The following TAF1 variants were observed in gnomAD, a reference collection of about 807,000 sequenced individuals.
The protein encoded by TAF1 is transcription initiation factor TFIID subunit 1.
TAF1 carries 2 observed loss-of-function variants against 138.5 expected under a neutral mutation model. The observed-to-expected ratio is 0.01, with a 90% confidence interval of 0.01 to 0.05. The LOEUF (loss-of-function observed/expected upper bound fraction) is 0.05, where lower values mean the gene tolerates loss of function less well. Ranked by LOEUF, TAF1 falls within the 10% of genes least tolerant of loss-of-function variation. The probability of loss-of-function intolerance (pLI) is 1.00; values close to 1 mark genes in which losing one functional copy is unlikely to be tolerated. For synonymous variants in TAF1, 437 were observed against 503.2 expected, an observed-to-expected ratio of 0.87 and a Z score of 1.76; for missense variants, 709 against 1,478.0, an observed-to-expected ratio of 0.48 and a Z score of 8.53.
chrX:71,509,996 AATG>A (rs1298087157), intron 13 of TAF1, among the ~76,000 whole-genome samples: 2 of 109,324 alleles, frequency 1.8e-5, no homozygotes, highest in Non-Finnish European at 3.8e-5. Context: ...TAATAATAAT[AATG>A]ATAATTTTAA....
chrX:71,376,683 C>T (rs1344047344), intron 4 of TAF1, among the ~76,000 whole-genome samples: 1 of 108,179 alleles, frequency 9.2e-6, no homozygotes, highest in Non-Finnish European at 1.9e-5. Context: ...AAAAAAACAA[C>T]AAAAAATCGG....
At chrX:71,427,424 A>G (rs1222988683) in intron 32 of TAF1, among the ~76,000 whole-genome samples, 1 of 111,630 alleles carries the variant, frequency 9.0e-6, no homozygotes, top group African/African-American at 3.3e-5. Context: ...AAGACTATGT[A>G]TAGCAAGTGA....
At chrX:71,458,562 C>A (rs1475270296) in intron 35 of TAF1, among the ~76,000 whole-genome samples, 196 bp downstream of exon 35, 2 of 111,119 alleles carry the variant, frequency 1.8e-5, no homozygotes, top group African/African-American at 6.5e-5. Flanking sequence ...TTCTCTCTGT[C>A]CCCATGGGTA....
chrX:71,379,097 C>T (rs1394363997), intron 8 of TAF1, 66 bp downstream of exon 8: 4 of 754,989 alleles, frequency 5.3e-6, no homozygotes, highest in Admixed American at 3.6e-5. Flanking sequence ...TAAGTGGGCT[C>T]AGCTGTGATT....
downstream of TAF1, among the ~76,000 whole-genome samples, chrX:71,467,237 C>T (rs940301990): frequency 5.5e-5 from 6 of 109,173 alleles, no homozygotes; most frequent in Non-Finnish European, 1.1e-4. Context: ...GAGGACCCTG[C>T]GGCCTTCCAC....
Position 71,394,064 on chromosome X carries a change from T to C in TAF1, c.3228-3T>C. ...TTCTGCACATTGCTTTTTCTCTTTT[T>C]AGGGTTCTGTCATCAACTGAAGTCT... On this transcript the variant is annotated splice_region_variant and splice_polypyrimidine_tract_variant and intron_variant, in intron 21 of 37. Transcript: ENST00000423759. The C allele has an allele frequency of 1.7e-6, 2 of 1,199,444 alleles. No homozygotes were observed. Among genetic ancestry groups the C allele is most frequent in the Middle Eastern group, 4.9e-4 (2 of 4,042 alleles).
At chrX:71,382,927 G>A (rs1043973264) in intron 11 of TAF1, 59 bp downstream of exon 11, 1 of 1,192,533 alleles carries the variant, frequency 8.4e-7, no homozygotes, top group Admixed American at 2.3e-5. Context: ...TCTGACGGAG[G>A]ATATGGGAAA....
chrX:71,490,119 T>A (rs2147532981), intron 13 of TAF1, among the ~76,000 whole-genome samples: 1 of 111,634 alleles, frequency 9.0e-6, no homozygotes, highest in African/African-American at 3.3e-5. Context: ...CCCATAAAAG[T>A]TTCTGGATGG....
intron 32 of TAF1, among the ~76,000 whole-genome samples, chrX:71,427,935 T>A (rs1193627491): frequency 1.0e-5 from 1 of 100,180 alleles, no homozygotes; most frequent in Non-Finnish European, 2.0e-5. Flanking sequence ...TGAGACTTAG[T>A]CTAAGAAGGA....
At chrX:71,481,005 G>A (rs951199224) in intron 13 of TAF1, among the ~76,000 whole-genome samples, 8 of 112,499 alleles carry the variant, frequency 7.1e-5, no homozygotes, top group African/African-American at 1.3e-4. Flanking sequence ...TGGGCTGGGC[G>A]CGGTGGCTCA....
chrX:71,487,664 T>C (rs768537236), intron 13 of TAF1, among the ~76,000 whole-genome samples: 2 of 112,431 alleles, frequency 1.8e-5, no homozygotes, highest in South Asian at 7.3e-4. Flanking sequence ...TTGCCTTTTT[T>C]ATCTCTAGAA....
At chrX:71,383,472 C>T (rs2034020951) in intron 12 of TAF1, among the ~76,000 whole-genome samples, 2 of 112,247 alleles carry the variant, frequency 1.8e-5, no homozygotes, top group Admixed American at 1.9e-4. Context: ...GTACAGTCGT[C>T]CTTCGTTATC....
At chrX:71,431,863 C>A (rs185520317) in intron 32 of TAF1, among the ~76,000 whole-genome samples, 2 of 107,046 alleles carry the variant, frequency 1.9e-5, no homozygotes, top group African/African-American at 6.8e-5. Context: ...TTGCAGTGAG[C>A]CGAGATTGCA....
intron 1 of TAF1, among the ~76,000 whole-genome samples, chrX:71,367,119 G>T (rs1454661582): frequency 1.8e-5 from 2 of 112,031 alleles, no homozygotes; most frequent in African/African-American, 6.5e-5. Flanking sequence ...CTCCTGTGCC[G>T]CAGGCGCATG....
chrX:71,445,915 A>ATT (rs749778368), intron 32 of TAF1, among the ~76,000 whole-genome samples: 3,166 of 93,508 alleles, frequency 0.034, 157 homozygotes, highest in African/African-American at 0.12. Flanking sequence ...GTTGTTCACT[A>ATT]TTTTTTTTTT....
intron 30 of TAF1, among the ~76,000 whole-genome samples, chrX:71,423,546 G>C (rs1397627525): frequency 2.7e-5 from 3 of 111,059 alleles, no homozygotes; most frequent in Non-Finnish European, 5.7e-5. Context: ...GCTAGCGAAT[G>C]TGAGGCTTTT....
At chrX:71,483,105 G>A (rs1360892292) in intron 13 of TAF1, among the ~76,000 whole-genome samples, 1 of 106,504 alleles carries the variant, frequency 9.4e-6, no homozygotes, top group Non-Finnish European at 1.9e-5. Context: ...TAGCAGCTGG[G>A]ACTATAAACA....
At chrX:71,523,817 T>C (rs958004161) in intron 13 of TAF1, among the ~76,000 whole-genome samples, 1 of 111,201 alleles carries the variant, frequency 9.0e-6, no homozygotes, top group African/African-American at 3.3e-5. Context: ...TAAGTGCTTC[T>C]CGAAACATGA....
chrX:71,417,453 G>A (rs1323271706), intron 28 of TAF1, among the ~76,000 whole-genome samples: 1 of 110,775 alleles, frequency 9.0e-6, no homozygotes, highest in Admixed American at 9.6e-5. Context: ...GTATCCCTGG[G>A]CTCGATGATT....
Sources: allele counts gnomAD v4.1 joint callset (sites outside exome capture counted in the v4.1 genomes callset), GRCh38; gene constraint gnomAD v4.1.1; transcripts MANE v1.5; gene names NCBI Gene and HGNC (gene_info 2026-07-23, HGNC 2026-07-21).